MARK3: variants seen among roughly 807,000 people sequenced by gnomAD.
The protein encoded by MARK3 is microtubule affinity regulating kinase 3, also known as MAP/microtubule affinity-regulating kinase 3.
Under a neutral mutation model 90.1 loss-of-function variants are expected in MARK3, and 46 were observed. The observed-to-expected ratio is 0.51, with a 90% CI of 0.40 to 0.65. The LOEUF (loss-of-function observed/expected upper bound fraction) is 0.65. Among genes scored for constraint, MARK3 ranks in the 30% least tolerant of loss-of-function variants. The probability of loss-of-function intolerance (pLI) is 0.00; values close to 1 mark genes in which losing one functional copy is unlikely to be tolerated. For missense variants in MARK3, 818 were observed against 947.2 expected (o/e 0.86, Z 1.79); for synonymous variants, 321 against 332.6 (o/e 0.97, Z 0.38).
rs1297428051 is a variant in MARK3, at chr14:103,385,811, G to A, written c.-219G>A. ...CCACTGCCGCCCTCCCGGTCTCCTC[G>A]CCTCGGCCGCCGAGGCAGGGAGAGA... On this transcript the variant is annotated 5_prime_UTR_variant, in exon 1 of 18. Coordinates refer to ENST00000429436, the MANE Select transcript of MARK3 (RefSeq NM_001128918.3). 1.0e-4 allele frequency: 45 copies of A among 435,578 alleles called. No individual in the cohort carries two copies. Among genetic ancestry groups the A allele is most frequent in the South Asian group, 5.1e-5 (1 of 19,658 alleles). The allele number at this position is 435,578 out of a possible 1,614,324, so 27.0% of individuals were successfully genotyped here.
chr14:103,466,079 C>A lies in MARK3; in HGVS notation c.885C>A (p.Arg295=), dbSNP rs370093733. 1 of 1,613,828 alleles carries A rather than the reference C, an allele frequency of 6.2e-7. No homozygotes were observed. Among genetic ancestry groups the A allele is most frequent in the African/African-American group, 1.3e-5 (1 of 74,990 alleles). The change falls in exon 9 of 18, where the codon CGC becomes CGA. Residue 295 remains arginine (R), a synonymous_variant. Coordinates refer to ENST00000429436, the MANE Select transcript of MARK3 (RefSeq NM_001128918.3). ...KRFLVLNPIK[R]GTLEQIMKDR... ...TCCTGGTGCTAAATCCAATTAAACG[C>A]GGCACTCTAGAGGTAATCATGTAGG... is the stretch of plus-strand genomic sequence containing the variant.
intron 2 of MARK3, among the ~76,000 whole-genome samples, chr14:103,423,784 C>A (rs748149948): frequency 2.0e-5 from 3 of 152,210 alleles, no homozygotes; most frequent in Non-Finnish European, 4.4e-5. Context: ...GTGTTTCACT[C>A]TGGGGACATA....
At chr14:103,407,806 G>A (rs1325770624) in intron 2 of MARK3, among the ~76,000 whole-genome samples, 1 of 151,960 alleles carries the variant, frequency 6.6e-6, no homozygotes, top group African/African-American at 2.4e-5. Context: ...TGATCTGCCC[G>A]CCTCAACCTC....
At chr14:103,436,681 T>G (rs1189630218) in intron 3 of MARK3, among the ~76,000 whole-genome samples, 2 of 152,220 alleles carry the variant, frequency 1.3e-5, no homozygotes, top group African/African-American at 4.8e-5. Flanking sequence ...GTCATGATCA[T>G]AGCTCACTGT....
chr14:103,503,095 C>T lies in MARK3; in HGVS notation c.2130C>T (p.Leu710=), dbSNP rs779219094. The change falls in exon 18 of 18, where the codon CTC becomes CTT. Residue 710 remains leucine, a synonymous_variant. Transcript: ENST00000429436. ...CVHGDGHAEN[L]VQWEMEVCKL... is the part of the protein sequence containing the mutation. Reference sequence around the variant, plus strand: ...ACGGAGATGGGCACGCGGAGAACCTCGTGCAGTGGGAAATGGAAGTGTGCA... The same window carrying T: ...ACGGAGATGGGCACGCGGAGAACCTTGTGCAGTGGGAAATGGAAGTGTGCA... 46 of 1,614,086 alleles carry T rather than the reference C, an allele frequency of 2.8e-5. No individual in the cohort carries two copies. Among genetic ancestry groups the T allele is most frequent in the Middle Eastern group, 1.6e-4 (1 of 6,084 alleles).
chr14:103,478,641 G>A (rs1039128038), intron 13 of MARK3, among the ~76,000 whole-genome samples: 1 of 152,058 alleles, frequency 6.6e-6, no homozygotes, highest in Admixed American at 6.5e-5. Flanking sequence ...CCGGGTTCAA[G>A]CGATTCTCCT....
At chr14:103,389,467 G>A (rs1454594580) in intron 1 of MARK3, among the ~76,000 whole-genome samples, 1 of 131,756 alleles carries the variant, frequency 7.6e-6, no homozygotes, top group Non-Finnish European at 1.5e-5. Flanking sequence ...GGTGAAGGTT[G>A]CAGTGAGCCG....
chr14:103,387,921 A>C (rs771107314), intron 1 of MARK3, among the ~76,000 whole-genome samples: 11 of 151,632 alleles, frequency 7.3e-5, no homozygotes, highest in Non-Finnish European at 1.5e-4. Context: ...AAGGATTTCA[A>C]ATGGGTCTTT....
chr14:103,387,908 A>T (rs2089937379), intron 1 of MARK3, among the ~76,000 whole-genome samples: 1 of 151,962 alleles, frequency 6.6e-6, no homozygotes, highest in African/African-American at 2.4e-5. Flanking sequence ...ATTTGTGATA[A>T]TGAAGGATTT....
intron 12 of MARK3, among the ~76,000 whole-genome samples, chr14:103,469,047 G>A (rs1207817334): frequency 6.6e-6 from 1 of 152,096 alleles, no homozygotes. Context: ...AACTTTCTGA[G>A]ATGATTACAG....
chr14:103,441,881 A>G (rs947043007), intron 3 of MARK3, among the ~76,000 whole-genome samples: 14 of 151,952 alleles, frequency 9.2e-5, no homozygotes, highest in Non-Finnish European at 1.5e-5. Flanking sequence ...TTTTTATTTT[A>G]TTTTCATATT....
intron 12 of MARK3, among the ~76,000 whole-genome samples, chr14:103,469,877 GT>G (rs1164443830): frequency 3.3e-5 from 5 of 151,722 alleles, no homozygotes; most frequent in African/African-American, 7.3e-5. Flanking sequence ...CCTGACCAAC[GT>G]GGTGAAACCC....
intron 3 of MARK3, among the ~76,000 whole-genome samples, chr14:103,445,252 C>T (rs2092965104): frequency 6.6e-6 from 1 of 152,142 alleles, no homozygotes; most frequent in Non-Finnish European, 1.5e-5. Context: ...GATGATCATA[C>T]TCAGCTGATA....
intron 9 of MARK3, 28 bp from the exon 10 acceptor site, chr14:103,466,315 C>T (rs754962619): frequency 1.4e-6 from 2 of 1,474,610 alleles, no homozygotes; most frequent in Non-Finnish European, 1.9e-6. Flanking sequence ...TCATTTTACT[C>T]TGCTAATGAA....
chr14:103,469,629 T>C (rs12882393), intron 12 of MARK3, among the ~76,000 whole-genome samples: 24,756 of 151,836 alleles, frequency 0.16, 2,854 homozygotes, highest in East Asian at 0.47. Flanking sequence ...AATATTGTAT[T>C]TTTAGTAGAG....
At chr14:103,446,666 A>G (rs530960424) in intron 3 of MARK3, among the ~76,000 whole-genome samples, 1 of 148,094 alleles carries the variant, frequency 6.8e-6, no homozygotes, top group Non-Finnish European at 1.5e-5. Context: ...AGTGCTGTGT[A>G]TCCTGAGCTA....
chr14:103,453,927 C>T (rs928970284), intron 5 of MARK3, among the ~76,000 whole-genome samples: 1 of 152,202 alleles, frequency 6.6e-6, no homozygotes, highest in Admixed American at 6.5e-5. Flanking sequence ...CAGCAGATAG[C>T]CTTTCTAGTT....
chr14:103,446,710 C>CTTTTTT (rs746523547), intron 3 of MARK3, among the ~76,000 whole-genome samples: 83 of 98,026 alleles, frequency 8.5e-4, no homozygotes, highest in African/African-American at 1.6e-3. Context: ...AGATTGTTGT[C>CTTTTTT]TTTTTTTTTT....
At chr14:103,486,075 G>A (rs1165593299) in intron 14 of MARK3, among the ~76,000 whole-genome samples, 1 of 151,990 alleles carries the variant, frequency 6.6e-6, no homozygotes, top group Non-Finnish European at 1.5e-5. Flanking sequence ...CAGGAGGATT[G>A]CTTGAACCCA....
Sources: gnomAD v4.1 joint callset for allele counts (sites outside exome capture counted in the v4.1 genomes callset) on GRCh38, gnomAD v4.1.1 for gene constraint, MANE v1.5 for transcripts, NCBI Gene and HGNC (gene_info 2026-07-23, HGNC 2026-07-21) for gene names.